The following CCSER1 variants were observed in gnomAD, a reference collection of about 807,000 sequenced individuals.
CCSER1 encodes the protein coiled-coil serine rich protein 1.
In CCSER1, 41 loss-of-function variants were observed where a neutral mutation model predicts 82.0. The observed-to-expected ratio is 0.50, with a 90% CI of 0.39 to 0.65. CCSER1 has a LOEUF of 0.65. Ranked by LOEUF, CCSER1 falls within the 30% of genes least tolerant of loss-of-function variation. The probability of loss-of-function intolerance (pLI) is 0.00; values close to 1 mark genes in which losing one functional copy is unlikely to be tolerated. For missense variants in CCSER1, 1,119 were observed against 1,064.2 expected (o/e 1.05, Z -0.72); for synonymous variants, 414 against 383.9 (o/e 1.08, Z -0.92).
At chr4:90,345,247 T>C (rs1039128201) in intron 3 of CCSER1, among the ~76,000 whole-genome samples, 2 of 152,112 alleles carry the variant, frequency 1.3e-5, no homozygotes, top group African/African-American at 4.8e-5. Flanking sequence ...TTGATTGCCA[T>C]GTTACTGACA....
chr4:91,295,866 C>G (rs775520469), intron 10 of CCSER1, among the ~76,000 whole-genome samples: 1 of 151,580 alleles, frequency 6.6e-6, no homozygotes, highest in Non-Finnish European at 1.5e-5. Flanking sequence ...GTTTTAAAAG[C>G]CATTTGAGTA....
At chr4:90,271,848 ATATATATATATATATT>A (rs1389665554) in intron 1 of CCSER1, among the ~76,000 whole-genome samples, 1 of 23,338 alleles carries the variant, frequency 4.3e-5, no homozygotes, top group East Asian at 1.8e-3. Flanking sequence ...ATATATATAT[ATATATATATATATATT>A]TTTTTTTTTT....
chr4:90,538,822 G>T (rs1775744130), intron 5 of CCSER1, among the ~76,000 whole-genome samples: 1 of 151,966 alleles, frequency 6.6e-6, no homozygotes, highest in Admixed American at 6.6e-5. Context: ...ATTATAATGA[G>T]AAATATAATG....
intron 10 of CCSER1, among the ~76,000 whole-genome samples, chr4:91,305,887 TCAG>T (rs1745030273): frequency 6.6e-6 from 1 of 151,778 alleles, no homozygotes; most frequent in Non-Finnish European, 1.5e-5. Context: ...TATAAAACCG[TCAG>T]ATCTTGTGAG....
intron 8 of CCSER1, among the ~76,000 whole-genome samples, chr4:90,831,174 C>G (rs988281209): frequency 3.3e-5 from 5 of 152,062 alleles, no homozygotes; most frequent in Non-Finnish European, 5.9e-5. Context: ...AGACTGACTT[C>G]TTTATGTGTG....
chr4:90,257,659 A>G (rs1723584755), intron 1 of CCSER1, among the ~76,000 whole-genome samples: 1 of 152,200 alleles, frequency 6.6e-6, no homozygotes, highest in African/African-American at 2.4e-5. Flanking sequence ...TATTTATTAT[A>G]AGGAATTGGC....
At chr4:91,193,227 C>T (rs758109059) in intron 10 of CCSER1, among the ~76,000 whole-genome samples, 8 of 152,138 alleles carry the variant, frequency 5.3e-5, no homozygotes, top group Non-Finnish European at 1.0e-4. Flanking sequence ...TTCCTTGCTG[C>T]CCTATCTTTG....
At chr4:90,141,782 A>G (rs1724838797) in intron 1 of CCSER1, among the ~76,000 whole-genome samples, 1 of 152,324 alleles carries the variant, frequency 6.6e-6, no homozygotes, top group East Asian at 1.9e-4. Flanking sequence ...TGTCAAGGCT[A>G]ATATGCCAAG....
chr4:90,607,180 ATTAG>A (rs1784837183), intron 5 of CCSER1, among the ~76,000 whole-genome samples: 1 of 152,204 alleles, frequency 6.6e-6, no homozygotes, highest in African/African-American at 2.4e-5. Flanking sequence ...AATATAATAC[ATTAG>A]TTAGTACCTC....
At chr4:90,363,002 T>C (rs1249343118) in intron 3 of CCSER1, among the ~76,000 whole-genome samples, 1 of 152,152 alleles carries the variant, frequency 6.6e-6, no homozygotes, top group Non-Finnish European at 1.5e-5. Flanking sequence ...GATATTTATT[T>C]ATTAAACATT....
intron 5 of CCSER1, among the ~76,000 whole-genome samples, chr4:90,539,919 A>T (rs758298352): frequency 6.6e-6 from 1 of 152,046 alleles, no homozygotes; most frequent in Non-Finnish European, 1.5e-5. Flanking sequence ...ATGTAGAAGG[A>T]GAGGTTGGAT....
chr4:90,241,933 A>ATC (rs1370999245), intron 1 of CCSER1, among the ~76,000 whole-genome samples: 1 of 152,210 alleles, frequency 6.6e-6, no homozygotes, highest in African/African-American at 2.4e-5. Flanking sequence ...AGAATCTTCT[A>ATC]TCATCAAATC....
chr4:90,762,663 CA>C (rs1311829987), intron 7 of CCSER1, among the ~76,000 whole-genome samples: 1 of 152,048 alleles, frequency 6.6e-6, no homozygotes, highest in Non-Finnish European at 1.5e-5. Context: ...ATAAAAGCCC[CA>C]AATCCTTTTT....
At chr4:90,657,289 G>C (rs1300291119) in intron 6 of CCSER1, among the ~76,000 whole-genome samples, 1 of 152,008 alleles carries the variant, frequency 6.6e-6, no homozygotes, top group Non-Finnish European at 1.5e-5. Flanking sequence ...TTATTCAAAA[G>C]AGATTTTGTT....
intron 10 of CCSER1, among the ~76,000 whole-genome samples, chr4:91,097,249 G>T (rs764211683): frequency 2.6e-5 from 4 of 152,084 alleles, no homozygotes; most frequent in Non-Finnish European, 5.9e-5. Flanking sequence ...TCTAAATCAG[G>T]AATAAATATT....
At chr4:90,476,971 A>T (rs1000792980) in intron 5 of CCSER1, among the ~76,000 whole-genome samples, 1 of 152,344 alleles carries the variant, frequency 6.6e-6, no homozygotes, top group Admixed American at 6.5e-5. Context: ...ATAGAGTACT[A>T]TAAATACAGA....
intron 8 of CCSER1, among the ~76,000 whole-genome samples, chr4:90,831,388 CTG>C (rs898395793): frequency 1.3e-5 from 2 of 152,084 alleles, no homozygotes; most frequent in African/African-American, 2.4e-5. Flanking sequence ...TTTAAGAAAA[CTG>C]TATCATTATA....
At chr4:90,686,892 A>G (rs922050646) in intron 6 of CCSER1, among the ~76,000 whole-genome samples, 2 of 152,180 alleles carry the variant, frequency 1.3e-5, no homozygotes, top group Non-Finnish European at 2.9e-5. Flanking sequence ...ATTCGGCATC[A>G]GGATGCTTCT....
chr4:91,013,118 T>C (rs1159649469), intron 9 of CCSER1, among the ~76,000 whole-genome samples: 3 of 135,034 alleles, frequency 2.2e-5, no homozygotes, highest in African/African-American at 7.4e-5. Context: ...ACTGTATTTG[T>C]CAAGGGAACG....
Sources: gnomAD v4.1 joint callset for allele counts (sites outside exome capture counted in the v4.1 genomes callset) on GRCh38, gnomAD v4.1.1 for gene constraint, MANE v1.5 for transcripts, NCBI Gene and HGNC (gene_info 2026-07-23, HGNC 2026-07-21) for gene names.